Variants in EPHB1 observed in about 807,000 individuals in gnomAD.
EPHB1 encodes ephrin type-B receptor 1.
A neutral mutation model predicts 94.4 loss-of-function variants in EPHB1; 30 were observed. The ratio of observed to expected loss-of-function variants is 0.32; its 90% CI spans 0.24 to 0.43. The LOEUF is 0.43. Among genes scored for constraint, EPHB1 ranks in the 20% least tolerant of loss-of-function variants. The pLI, the probability that EPHB1 is intolerant of heterozygous loss-of-function variation, is 1.00. For synonymous variants in EPHB1, 522 were observed against 489.1 expected (o/e 1.07, Z -0.89); for missense variants, 1,055 against 1,308.3 (o/e 0.81, Z 2.99).
rs919163969 is a variant in EPHB1 at position 135,257,978 on chromosome 3, A to C, written c.2847-1034A>C. 3.9e-5 allele frequency among the ~76,000 whole-genome samples: 6 copies of C among 152,248 alleles called. No individual in the cohort carries two copies. In the East Asian group the frequency reaches 1.2e-3, roughly 30 times the overall value. ...TCGGGTGGGAGTGACCCGATTTTCC[A>C]GGTGCCGTCCATCACCCTTTTCTTT... On this transcript the variant is annotated intron_variant, in intron 15 of 15. Coordinates refer to ENST00000398015, the MANE Select transcript of EPHB1 (RefSeq NM_004441.5).
chr3:134,822,724 C>A (rs1442257690), intron 1 of EPHB1, among the ~76,000 whole-genome samples: 1 of 152,124 alleles, frequency 6.6e-6, no homozygotes, highest in East Asian at 1.9e-4. Flanking sequence ...CATTAGAGAC[C>A]CTTCTATTTT....
At chr3:135,036,356 T>G (rs1048247380) in intron 3 of EPHB1, among the ~76,000 whole-genome samples, 2 of 152,086 alleles carry the variant, frequency 1.3e-5, no homozygotes, top group African/African-American at 4.8e-5. Flanking sequence ...AGGGAAGTGG[T>G]GGAATTGGCA....
intron 3 of EPHB1, among the ~76,000 whole-genome samples, chr3:135,008,046 G>T (rs1043291560): frequency 6.6e-6 from 1 of 152,200 alleles, no homozygotes; most frequent in Non-Finnish European, 1.5e-5. Context: ...AACTGAGATT[G>T]TGGGAGGAGG....
At chr3:134,923,908 G>A (rs1468468766) in intron 1 of EPHB1, among the ~76,000 whole-genome samples, 1 of 152,160 alleles carries the variant, frequency 6.6e-6, no homozygotes, top group African/African-American at 2.4e-5. Context: ...CCCAAACAAT[G>A]CATCATTTAT....
intron 3 of EPHB1, among the ~76,000 whole-genome samples, chr3:135,064,696 A>G (rs140070844): frequency 2.3e-3 from 357 of 151,930 alleles, no homozygotes; most frequent in African/African-American, 7.9e-3. Flanking sequence ...TGTTGTTTCA[A>G]TTTCATTTAA....
intron 1 of EPHB1, among the ~76,000 whole-genome samples, chr3:134,814,718 A>G (rs1318396235): frequency 6.6e-6 from 1 of 152,208 alleles, no homozygotes; most frequent in African/African-American, 2.4e-5. Flanking sequence ...AGTTCCTGTG[A>G]GGGAAGGCTC....
At chr3:134,811,946 G>A (rs1044804154) in intron 1 of EPHB1, among the ~76,000 whole-genome samples, 2 of 152,184 alleles carry the variant, frequency 1.3e-5, no homozygotes, top group Non-Finnish European at 2.9e-5. Flanking sequence ...CCCAGATAAG[G>A]ACGAGAGCAC....
intron 1 of EPHB1, among the ~76,000 whole-genome samples, chr3:134,850,581 G>A (rs1013031440): frequency 2.6e-5 from 4 of 152,224 alleles, no homozygotes; most frequent in African/African-American, 9.6e-5. Flanking sequence ...GAAGTGTGGG[G>A]CAGGAAGAGG....
intron 3 of EPHB1, 65 bp downstream of exon 3, chr3:134,952,117 C>A (rs2107716228): frequency 6.7e-7 from 1 of 1,498,600 alleles, no homozygotes; most frequent in Admixed American, 2.1e-5. Context: ...GGTTTCCCCA[C>A]CAATAATTCT....
chr3:134,897,032 A>G (rs1399143963), intron 1 of EPHB1, among the ~76,000 whole-genome samples: 2 of 152,176 alleles, frequency 1.3e-5, no homozygotes, highest in Admixed American at 1.3e-4. Context: ...GAGATGACTG[A>G]TACTTGGAGG....
chr3:135,010,494 T>C (rs1426978341), intron 3 of EPHB1, among the ~76,000 whole-genome samples: 1 of 152,140 alleles, frequency 6.6e-6, no homozygotes, highest in African/African-American at 2.4e-5. Context: ...TTGGGTATTT[T>C]GTTAGAATAA....
In EPHB1 at chr3:135,259,049, CAGA is replaced by C. The variant is rs1933537806; in HGVS notation, c.2891_2893del (p.Lys964del). 1.4e-5 allele frequency: 23 copies of C among 1,610,302 alleles called. No homozygotes were observed. Among genetic ancestry groups the C allele is most frequent in the East Asian group, 2.2e-5 (1 of 44,804 alleles). On this transcript the variant is annotated inframe_deletion, in exon 16 of 16. Transcript: ENST00000398015. ...AATAGGCATCACCTTGGCAGGCCATCAGAAGAAGATCCTGAACAGCATTCATTC... is the reference window on the plus strand; with the variant it reads ...AATAGGCATCACCTTGGCAGGCCATCAGAAGATCCTGAACAGCATTCATTC...
intron 11 of EPHB1, among the ~76,000 whole-genome samples, chr3:135,193,243 G>T (rs1942508998): frequency 2.0e-5 from 3 of 152,308 alleles, no homozygotes; most frequent in Admixed American, 1.3e-4. Context: ...AAGTAAAACA[G>T]GTTGCCATTT....
At chr3:134,934,475 T>A (rs1314087095) in intron 2 of EPHB1, among the ~76,000 whole-genome samples, 1 of 152,148 alleles carries the variant, frequency 6.6e-6, no homozygotes, top group East Asian at 1.9e-4. Flanking sequence ...GGAGGAGAAT[T>A]GGGCCAGATG....
chr3:135,069,824 T>TA (rs576594347), intron 3 of EPHB1, among the ~76,000 whole-genome samples: 186 of 147,982 alleles, frequency 1.3e-3, no homozygotes, highest in Admixed American at 3.8e-3. Flanking sequence ...AATACATGAT[T>TA]AAAAAAAAAA....
chr3:135,114,728 G>GATAATAAATAAATAA (rs1553736209), intron 4 of EPHB1, among the ~76,000 whole-genome samples: 4 of 133,700 alleles, frequency 3.0e-5, no homozygotes, highest in Non-Finnish European at 6.2e-5. Flanking sequence ...GTCTCAGATA[G>GATAATAAATAAATAA]ATAAATAAAT....
Position 134,811,044 on chromosome 3 carries a change from C to T in EPHB1, c.58+15355C>T, listed in dbSNP as rs148384834. On this transcript the variant is annotated intron_variant, in intron 1 of 15. Transcript: ENST00000398015. ...GTGGCCCCTCCCCCTTTCCCACATT[C>T]CCAGCTGATCTCTCACTTCCCACCT... Among the ~76,000 whole-genome samples, 878 of 152,152 alleles carry T rather than the reference C, an allele frequency of 5.8e-3. 5 individuals are homozygous for T. The highest frequency in any genetic ancestry group is 0.021 in the African/African-American group (851 of 41,512).
At chr3:135,209,437 G>A (rs368686997) in intron 12 of EPHB1, among the ~76,000 whole-genome samples, 9 of 152,300 alleles carry the variant, frequency 5.9e-5, no homozygotes, top group African/African-American at 2.2e-4. Flanking sequence ...AATATTCTGT[G>A]CAACTTAGAG....
At chr3:134,843,590 CT>C in intron 1 of EPHB1, among the ~76,000 whole-genome samples, 1 of 151,840 alleles carries the variant, frequency 6.6e-6, no homozygotes, top group East Asian at 1.9e-4. Flanking sequence ...CTTCTCTGTT[CT>C]TTGGACATGA....
Sources: allele counts gnomAD v4.1 joint callset (sites outside exome capture counted in the v4.1 genomes callset), GRCh38; gene constraint gnomAD v4.1.1; transcripts MANE v1.5; gene names NCBI Gene and HGNC (gene_info 2026-07-23, HGNC 2026-07-21).